Variants in ATXN2L observed in about 807,000 individuals in gnomAD.
The protein encoded by ATXN2L is ataxin-2-like protein.
Under a neutral mutation model 120.7 loss-of-function variants are expected in ATXN2L, and 24 were observed. That is an observed-to-expected ratio of 0.20 (90% CI 0.14 to 0.28). ATXN2L has a LOEUF of 0.28. Ranked by LOEUF, ATXN2L falls within the 10% of genes least tolerant of loss-of-function variation. The pLI is 1.00. For missense variants in ATXN2L, 1,312 were observed against 1,432.3 expected, an observed-to-expected ratio of 0.92 and a Z score of 1.36; for synonymous variants, 653 against 568.1, an observed-to-expected ratio of 1.15 and a Z score of -2.13.
rs1174310304 is a variant in ATXN2L at position 28,836,600 on chromosome 16, C to T, written c.*335C>T. 1 of 1,580,672 alleles carries T rather than the reference C, an allele frequency of 6.3e-7. No homozygotes were observed. The highest frequency in any genetic ancestry group is 8.6e-7 in the Non-Finnish European group (1 of 1,166,306). On this transcript the variant is annotated 3_prime_UTR_variant, in exon 22 of 22. Transcript: ENST00000336783. Reference sequence around the variant, plus strand: ...CGATTGACCTGTGCTTCTGACAGCCCCCGAGACACCTTGAGGAGGCCGCTC... The same window carrying T: ...CGATTGACCTGTGCTTCTGACAGCCTCCGAGACACCTTGAGGAGGCCGCTC...
chr16:28,834,181 A>G lies in ATXN2L; in HGVS notation c.2142A>G (p.Ile714Met). The stretch of plus-strand genomic sequence containing the variant: ...ACAGCCCCCAGTACATCTCCTACAT[A>G]CCTCAGATCCACATGGGACCAGCTG... ...GLYSPQYISY[I>M]PQIHMGPAVQ... The change falls in exon 16 of 22, where the codon ATA (isoleucine) becomes ATG (methionine). Residue 714 changes from isoleucine (I) to methionine (M), a missense_variant. Coordinates refer to ENST00000336783, the MANE Select transcript of ATXN2L (RefSeq NM_007245.4). The G allele has an allele frequency of 6.2e-7, 1 of 1,613,844 alleles. No homozygotes were observed.
At position 28,832,866 on chromosome 16, in the gene ATXN2L, A is replaced by G. The variant is rs1376603830; in HGVS notation, c.1638A>G (p.Arg546=). 3 of 1,614,188 alleles carry G rather than the reference A, an allele frequency of 1.9e-6. No individual in the cohort carries two copies. The highest frequency in any genetic ancestry group is 2.5e-6 in the Non-Finnish European group (3 of 1,180,040). ...EQKRFQLEEL[R]KFGAQFKLQP... is the part of the protein sequence containing the mutation. ...AACGATTCCAACTGGAAGAACTGAGAAAGTTTGGGGCCCAGTTTAAGGTGA... is the reference window on the plus strand; with the variant it reads ...AACGATTCCAACTGGAAGAACTGAGGAAGTTTGGGGCCCAGTTTAAGGTGA... Residue 546 remains arginine (R), a synonymous_variant, in exon 13 of 22, where the codon AGA becomes AGG. Coordinates refer to ENST00000336783, the MANE Select transcript of ATXN2L (RefSeq NM_007245.4).
rs191535302 is a variant in ATXN2L at position 28,825,418 on chromosome 16, C to A, written c.336+16C>A. The A allele has an allele frequency of 4.7e-5, 76 of 1,613,010 alleles. No homozygotes were observed. In the East Asian group the frequency reaches 1.7e-3, roughly 36 times the overall value. ...ACAGTCACCTGTGAGTGTCTTCTCC[C>A]ACCCTGTTTAAGATACATAGACCTA... On this transcript the variant is annotated intron_variant, in intron 2 of 21. Coordinates refer to ENST00000336783, the MANE Select transcript of ATXN2L (RefSeq NM_007245.4).
chr16:28,823,597 C>T, intron 1 of ATXN2L, 39 bp downstream of exon 1: 1 of 1,294,462 alleles, frequency 7.7e-7, no homozygotes, highest in Admixed American at 4.2e-5. Flanking sequence ...GCCGCGGCCA[C>T]CCAGAGGCTG....
intron 6 of ATXN2L, 43 bp downstream of exon 6, chr16:28,827,029 A>G (rs760425420): frequency 7.3e-7 from 1 of 1,378,476 alleles, no homozygotes; most frequent in Non-Finnish European, 9.5e-7. Context: ...GGACAGACAG[A>G]ATGGGTTGTT....
Position 28,829,448 on chromosome 16 carries a change from C to A in ATXN2L, c.789C>A (p.Asn263Lys). The change falls in exon 7 of 22, where the codon AAC becomes AAA. Residue 263 changes from asparagine to lysine, a missense_variant. Transcript: ENST00000336783. ...AAATGTTCAAGTTCAATGAGGAGAA[C>A]TACGGTGTGAAGACTACCTATGATA... ...PNEMFKFNEE[N>K]YGVKTTYDSS... The A allele has an allele frequency of 6.2e-7, 1 of 1,613,312 alleles. No individual in the cohort carries two copies. Among genetic ancestry groups the A allele is most frequent in the African/African-American group, 1.3e-5 (1 of 75,034 alleles).
At chr16:28,830,105 C>G in intron 8 of ATXN2L, 47 bp downstream of exon 8, 2 of 1,543,476 alleles carry the variant, frequency 1.3e-6, no homozygotes, top group South Asian at 2.4e-5. Context: ...CTGGGAATAT[C>G]CTGGGGCCTG....
rs1229102358 is a variant in ATXN2L, at chr16:28,836,184, C to G, written c.3147C>G (p.Phe1049Leu). Residue 1049 changes from phenylalanine (F) to leucine (L), a missense_variant, in exon 22 of 22, where the codon TTC becomes TTG. Transcript: ENST00000336783. Reference sequence around the variant, plus strand: ...GAGCCGATGACAGGATTCGTGAGTTCTCATTAGCTGGGGGAATTTGGCATG... The same window carrying G: ...GAGCCGATGACAGGATTCGTGAGTTGTCATTAGCTGGGGGAATTTGGCATG... ...PGGADDRIREFSLAGGIWHGR... is the reference protein window; with the variant it reads ...PGGADDRIRELSLAGGIWHGR... 6.2e-7 allele frequency: 1 copy of G among 1,614,090 alleles called. No individual in the cohort carries two copies. The highest frequency in any genetic ancestry group is 1.7e-5 in the Admixed American group (1 of 60,010).
chr16:28,827,191 T>C (rs1448195822), intron 6 of ATXN2L, among the ~76,000 whole-genome samples: 4 of 152,206 alleles, frequency 2.6e-5, no homozygotes, highest in African/African-American at 9.7e-5. Flanking sequence ...CCCAGCACTT[T>C]GGGAGGCCAA....
intron 18 of ATXN2L, 100 bp from the exon 19 acceptor site, chr16:28,834,958 T>C (rs1959680118): frequency 6.9e-7 from 1 of 1,452,728 alleles, no homozygotes. Context: ...AATAGGGTGA[T>C]TGTGAGGAGG....
intron 15 of ATXN2L, 113 bp downstream of exon 15, chr16:28,833,621 C>A: frequency 8.9e-7 from 1 of 1,125,092 alleles, no homozygotes; most frequent in South Asian, 1.3e-5. Flanking sequence ...GCCTGGCAGG[C>A]AGTGTGAGGA....
In ATXN2L at chr16:28,825,798, A is replaced by G. The variant is rs1237612559; in HGVS notation, c.422A>G (p.Asn141Ser). The change falls in exon 4 of 22, where the codon AAT (asparagine) becomes AGT (serine). Residue 141 changes from asparagine (N) to serine (S), a missense_variant. Asn to Ser is a conservative substitution (Grantham distance 46). Transcript: ENST00000336783. Reference sequence around the variant, plus strand: ...TCCACTTGTGATGTAAAGGTGAAAAATGGTACCACTTATGAGGGTATCTTC... The same window carrying G: ...TCCACTTGTGATGTAAAGGTGAAAAGTGGTACCACTTATGAGGGTATCTTC... ...VGSTCDVKVK[N>S]GTTYEGIFKT... is the part of the protein sequence containing the mutation. 1 of 1,614,034 alleles carries G rather than the reference A, an allele frequency of 6.2e-7. No individual in the cohort carries two copies. Among genetic ancestry groups the G allele is most frequent in the Non-Finnish European group, 8.5e-7 (1 of 1,180,014 alleles).
Position 28,834,331 on chromosome 16 carries a change from C to T in ATXN2L, c.2173-12C>T. On this transcript the variant is annotated splice_polypyrimidine_tract_variant and intron_variant, in intron 16 of 21. Coordinates refer to ENST00000336783, the MANE Select transcript of ATXN2L (RefSeq NM_007245.4). ...GCGAGTCATTCAGCCTCATCTGTGT[C>T]CTCATCCCCAGGCACCTCAGATGTA... The T allele has an allele frequency of 1.2e-6, 2 of 1,613,568 alleles. No homozygotes were observed. The highest frequency in any genetic ancestry group is 8.5e-7 in the Non-Finnish European group (1 of 1,179,476).
chr16:28,832,075 G>A, intron 10 of ATXN2L, 130 bp from the exon 11 acceptor site: 1 of 963,472 alleles, frequency 1.0e-6, no homozygotes, highest in East Asian at 2.6e-5. Flanking sequence ...CCTGCCTTGA[G>A]CTTCTAGACA....
chr16:28,831,284 A>G (rs1338285506), intron 10 of ATXN2L, among the ~76,000 whole-genome samples: 1 of 152,132 alleles, frequency 6.6e-6, no homozygotes, highest in African/African-American at 2.4e-5. Flanking sequence ...CTTGGCAGAC[A>G]TCTTTTGTTT....
At chr16:28,826,568 A>G (rs1855879318) in intron 5 of ATXN2L, 178 bp downstream of exon 5, 4 of 671,858 alleles carry the variant, frequency 6.0e-6, no homozygotes, top group East Asian at 5.5e-5. Flanking sequence ...TCTTAAAAAT[A>G]TGTCTTGATG....
rs900022759 is a variant in ATXN2L, at chr16:28,831,175, T to C, written c.1321+103T>C. ...GCTGGAATGGGAGATAATTTTAAGA[T>C]AGATGTTTTGGGCATTTGGGATTTA... On this transcript the variant is annotated intron_variant, in intron 10 of 21. Transcript: ENST00000336783. 6 of 870,218 alleles carry C rather than the reference T, an allele frequency of 6.9e-6. No homozygotes were observed. In the African/African-American group the frequency reaches 1.0e-4, roughly 15 times the overall value. 53.9% of individuals were successfully genotyped at this position (870,218 alleles called of 1,614,324 possible).
chr16:28,830,900 A>G, intron 9 of ATXN2L, 62 bp from the exon 10 acceptor site: 1 of 1,423,272 alleles, frequency 7.0e-7, no homozygotes, highest in Non-Finnish European at 9.5e-7. Context: ...ATCGGTGGGA[A>G]TGTAATAGGT....
chr16:28,823,436 G>C lies in ATXN2L; in HGVS notation c.177G>C (p.Leu59=). 7.6e-7 allele frequency: 1 copy of C among 1,319,112 alleles called. No individual in the cohort carries two copies. The highest frequency in any genetic ancestry group is 9.6e-7 in the Non-Finnish European group (1 of 1,040,372). The allele number at this position is 1,319,112 out of a possible 1,614,324, so 81.7% of individuals were successfully genotyped here. A position where few individuals can be genotyped will look rare whatever the true frequency, so the allele number is the denominator to read the frequency against. ...CTCCAGCGGCCGCCTCCCCCTGCCT[G>C]GGGCCTGTGGCCGCTGCCGGGAGCG... ...PGPPAAASPC[L]GPVAAAGSGL... The change falls in exon 1 of 22, where the codon CTG becomes CTC. Residue 59 remains leucine, a synonymous_variant. Transcript: ENST00000336783.
Sources: allele counts gnomAD v4.1 joint callset (sites outside exome capture counted in the v4.1 genomes callset), GRCh38; gene constraint gnomAD v4.1.1; transcripts MANE v1.5; gene names NCBI Gene and HGNC (gene_info 2026-07-23, HGNC 2026-07-21).